Variants in ZPBP observed in about 807,000 individuals in gnomAD.
ZPBP encodes the protein zona pellucida-binding protein 1.
A neutral mutation model predicts 44.8 loss-of-function variants in ZPBP; 26 were observed. The ratio of observed to expected loss-of-function variants is 0.58; its 90% CI spans 0.43 to 0.81. The LOEUF (loss-of-function observed/expected upper bound fraction) is 0.81. ZPBP is among the 30% of genes least tolerant of loss of function. The pLI is 0.00. For synonymous variants in ZPBP, 174 were observed against 153.2 expected (o/e 1.14, Z -1.00); for missense variants, 409 against 434.0 (o/e 0.94, Z 0.51).
intron 2 of ZPBP, among the ~76,000 whole-genome samples, chr7:49,874,696 T>G (rs1277625304): frequency 1.3e-5 from 2 of 152,196 alleles, no homozygotes; most frequent in Non-Finnish European, 2.9e-5. Flanking sequence ...AACCTTTACT[T>G]ATAAAATTAT....
At chr7:50,075,963 C>T (rs1484283852) in intron 3 of ZPBP, among the ~76,000 whole-genome samples, 1 of 151,764 alleles carries the variant, frequency 6.6e-6, no homozygotes, top group African/African-American at 2.4e-5. Context: ...AAGAAAACTA[C>T]AAGTCAATAT....
At chr7:49,949,312 G>C (rs534636716) in intron 7 of ZPBP, among the ~76,000 whole-genome samples, 1 of 152,046 alleles carries the variant, frequency 6.6e-6, no homozygotes, top group Middle Eastern at 3.2e-3. Context: ...CTGAAAGCAG[G>C]ATCTTGCAGG....
At chr7:50,010,621 A>G (rs1369134968) in intron 6 of ZPBP, among the ~76,000 whole-genome samples, 1 of 152,114 alleles carries the variant, frequency 6.6e-6, no homozygotes, top group African/African-American at 2.4e-5. Context: ...AAAATAGTGA[A>G]ATGCTTAGGA....
chr7:50,082,045 T>C (rs999734069), intron 2 of ZPBP, 146 bp from the exon 3 acceptor site: 16 of 827,574 alleles, frequency 1.9e-5, no homozygotes, highest in Non-Finnish European at 3.0e-5. Context: ...CTAAATTTCA[T>C]TGCATTCTAT....
intron 6 of ZPBP, among the ~76,000 whole-genome samples, chr7:49,991,918 A>G (rs1193572246): frequency 2.6e-5 from 4 of 152,036 alleles, no homozygotes; most frequent in Admixed American, 2.6e-4. Context: ...GAAGAAAGAG[A>G]GGGAAAGAGG....
chr7:49,870,344 G>A (rs1280393794), intron 2 of ZPBP, among the ~76,000 whole-genome samples: 1 of 152,174 alleles, frequency 6.6e-6, no homozygotes, highest in Non-Finnish European at 1.5e-5. Context: ...AGCTTGCAGT[G>A]AGCGAAGATT....
downstream of ZPBP, among the ~76,000 whole-genome samples, chr7:49,933,524 C>T (rs1475642067): frequency 6.6e-6 from 1 of 152,128 alleles, no homozygotes; most frequent in Non-Finnish European, 1.5e-5. Context: ...ACTAGAAATA[C>T]CATTTGACCC....
chr7:50,015,368 G>A (rs922408551), intron 6 of ZPBP, among the ~76,000 whole-genome samples: 3 of 151,996 alleles, frequency 2.0e-5, no homozygotes, highest in African/African-American at 4.8e-5. Flanking sequence ...TTGCCTTTCA[G>A]TAGAAAAGAT....
chr7:49,868,839 G>C (rs1231747401), intron 2 of ZPBP, among the ~76,000 whole-genome samples: 2 of 152,020 alleles, frequency 1.3e-5, no homozygotes, highest in African/African-American at 4.8e-5. Context: ...GGCTGGTCTT[G>C]AACTCCTAAC....
chr7:49,973,332 GA>G (rs201631193), intron 7 of ZPBP, among the ~76,000 whole-genome samples: 7 of 148,156 alleles, frequency 4.7e-5, no homozygotes, highest in South Asian at 2.1e-4. Context: ...GGCAACAAAA[GA>G]AAAAAAAATG....
chr7:49,905,220 G>T (rs1356798283), intron 1 of ZPBP, among the ~76,000 whole-genome samples: 2 of 152,114 alleles, frequency 1.3e-5, no homozygotes, highest in Non-Finnish European at 2.9e-5. Context: ...TTCAACATGG[G>T]CAGTTCTATG....
chr7:49,925,879 T>C (rs1794219329), intron 1 of ZPBP, among the ~76,000 whole-genome samples: 1 of 152,228 alleles, frequency 6.6e-6, no homozygotes, highest in African/African-American at 2.4e-5. Context: ...AACCCATAAA[T>C]CAACCTTGGG....
At chr7:50,065,305 GC>G (rs1012829624) in intron 3 of ZPBP, among the ~76,000 whole-genome samples, 1 of 150,878 alleles carries the variant, frequency 6.6e-6, no homozygotes, top group African/African-American at 2.5e-5. Flanking sequence ...TCTAATACAG[GC>G]CAGAGGGTGC....
rs528615931 is a variant in ZPBP, at chr7:49,905,839, C to T, written n.412-4624G>A. On this transcript the variant is annotated intron_variant and non_coding_transcript_variant, in intron 1 of 2. Coordinates refer to the ZPBP transcript ENST00000465922. ...ATAAAACAGGCTGCAGTAAAGAAGC[C>T]GGCTAAAACCCACCAAAACCAAGAT... Among the ~76,000 whole-genome samples the T allele has an allele frequency of 1.1e-4, 17 of 152,278 alleles. No homozygotes were observed. The South Asian group carries it at 2.9e-3, about 26-fold the overall frequency.
At chr7:49,946,683 G>A (rs1392706883) in intron 7 of ZPBP, among the ~76,000 whole-genome samples, 10 of 152,028 alleles carry the variant, frequency 6.6e-5, no homozygotes, top group Non-Finnish European at 1.5e-5. Flanking sequence ...AGTCTCACCT[G>A]GGTTAAAGTT....
At chr7:50,054,633 T>G (rs1191768106) in intron 4 of ZPBP, among the ~76,000 whole-genome samples, 1 of 152,056 alleles carries the variant, frequency 6.6e-6, no homozygotes, top group Non-Finnish European at 1.5e-5. Context: ...TGATTTTACT[T>G]CTTACAATCC....
chr7:49,927,567 C>T (rs978168714), intron 1 of ZPBP, among the ~76,000 whole-genome samples: 1 of 152,106 alleles, frequency 6.6e-6, no homozygotes, highest in Admixed American at 6.5e-5. Context: ...ACAAAAACAC[C>T]ATTGACCATA....
Position 50,059,799 on chromosome 7 carries a change from A to G in ZPBP, c.335-1658T>C, listed in dbSNP as rs149528085. ...TATGACAGCCAGAAAATGTAGTAGT[A>G]TACAATCTGTAATAAAATGCCCCCT... is the stretch of plus-strand genomic sequence containing the variant. On this transcript the variant is annotated intron_variant, in intron 3 of 7. Coordinates refer to ENST00000046087, the MANE Select transcript of ZPBP (RefSeq NM_007009.3). Among the ~76,000 whole-genome samples, 62 of 152,286 alleles carry G rather than the reference A, an allele frequency of 4.1e-4. No homozygotes were observed. The East Asian group carries it at 7.9e-3, about 19-fold the overall frequency.
At chr7:49,978,699 G>C (rs1018576936) in intron 7 of ZPBP, among the ~76,000 whole-genome samples, 6 of 151,886 alleles carry the variant, frequency 4.0e-5, no homozygotes, top group Non-Finnish European at 1.5e-5. Context: ...TTTCATACTT[G>C]AATGGATTTT....
Sources: allele counts gnomAD v4.1 joint callset (sites outside exome capture counted in the v4.1 genomes callset), GRCh38; gene constraint gnomAD v4.1.1; transcripts MANE v1.5; gene names NCBI Gene and HGNC (gene_info 2026-07-23, HGNC 2026-07-21).